HERC2: variants seen among roughly 807,000 people sequenced by gnomAD.
HERC2 encodes E3 ubiquitin-protein ligase HERC2.
A neutral mutation model predicts 537.7 loss-of-function variants in HERC2; 102 were observed. The observed-to-expected ratio is 0.19, with a 90% CI of 0.16 to 0.22. The LOEUF is 0.22. Ranked by LOEUF, HERC2 falls within the 10% of genes least tolerant of loss-of-function variation. The probability of loss-of-function intolerance (pLI) is 1.00; values close to 1 mark genes in which losing one functional copy is unlikely to be tolerated. For synonymous variants in HERC2, 2,224 were observed against 2,466.2 expected, an observed-to-expected ratio of 0.90 and a Z score of 2.91; for missense variants, 4,236 against 6,198.2, an observed-to-expected ratio of 0.68 and a Z score of 10.63.
At chr15:28,126,450 A>G (rs1024885314) in intron 83 of HERC2, among the ~76,000 whole-genome samples, 5 of 152,238 alleles carry the variant, frequency 3.3e-5, no homozygotes, top group Non-Finnish European at 5.9e-5. Flanking sequence ...ATAGCAGCAC[A>G]ATTTGCAATT....
intron 88 of HERC2, among the ~76,000 whole-genome samples, chr15:28,115,824 G>A (rs775109936): frequency 1.3e-5 from 2 of 152,240 alleles, no homozygotes; most frequent in Non-Finnish European, 2.9e-5. Flanking sequence ...GCAAAGAGCT[G>A]GAACTTCCCC....
chr15:28,134,763 C>T (rs764577535), intron 79 of HERC2, among the ~76,000 whole-genome samples: 12 of 145,816 alleles, frequency 8.2e-5, no homozygotes, highest in South Asian at 2.2e-4. Flanking sequence ...AGTGCAGTGG[C>T]GCAATCTCGG....
At chr15:28,253,429 T>C (rs1379292598) in intron 20 of HERC2, among the ~76,000 whole-genome samples, 2 of 152,258 alleles carry the variant, frequency 1.3e-5, no homozygotes, top group African/African-American at 4.8e-5. Context: ...TCCACCTGCT[T>C]ATTAGTAAGA....
At chr15:28,309,861 T>A (rs2076892470) in intron 2 of HERC2, among the ~76,000 whole-genome samples, 1 of 152,226 alleles carries the variant, frequency 6.6e-6, no homozygotes, top group Non-Finnish European at 1.5e-5. Context: ...CATCCTTCAG[T>A]TTTTGTAGAA....
chr15:28,158,635 C>G (rs1032033502), intron 69 of HERC2, among the ~76,000 whole-genome samples: 3 of 152,164 alleles, frequency 2.0e-5, no homozygotes, highest in African/African-American at 7.2e-5. Context: ...TGTGTCTCTG[C>G]ACATGAGATG....
chr15:28,309,432 C>T (rs1208194640), intron 2 of HERC2, among the ~76,000 whole-genome samples: 1 of 152,192 alleles, frequency 6.6e-6, no homozygotes, highest in East Asian at 1.9e-4. Flanking sequence ...TTTTTGGTCT[C>T]CTTTTATAGT....
rs374548424 is a variant in HERC2 at position 28,214,743 on chromosome 15, C to T, written c.6270G>A (p.Ala2090=). ...TCTCCACGAGGCATTTCATGTCCCTCGCCCTTTCGGTCTTGTCCCATGATG... is the reference window on the plus strand; with the variant it reads ...TCTCCACGAGGCATTTCATGTCCCTTGCCCTTTCGGTCTTGTCCCATGATG... ...VLPSWDKTER[A]RDMKCLVEKL... The change falls in exon 40 of 93, where the codon GCG becomes GCA. Residue 2090 remains alanine, a synonymous_variant. Coordinates refer to ENST00000261609, the MANE Select transcript of HERC2 (RefSeq NM_004667.6). The T allele has an allele frequency of 4.8e-5, 77 of 1,611,828 alleles. No individual in the cohort carries two copies. The highest frequency in any genetic ancestry group is 3.3e-4 in the South Asian group (30 of 90,992).
chr15:28,237,477 C>G (rs1223196947), intron 25 of HERC2, among the ~76,000 whole-genome samples: 1 of 152,208 alleles, frequency 6.6e-6, no homozygotes, highest in Non-Finnish European at 1.5e-5. Context: ...GGCAACAAAA[C>G]TATGACAAGT....
At position 28,113,660 on chromosome 15, in the gene HERC2, C is replaced by T. The variant is rs766741073; in HGVS notation, c.13932G>A (p.Glu4644=). 6.2e-7 allele frequency: 1 copy of T among 1,614,078 alleles called. No homozygotes were observed. ...TTCCTTCCCGAACAGCAGCCACCTG[C>T]TCATCAAATTCATGGAGTCTGGAAG... The part of the protein sequence containing the change: ...AINYRLHEFD[E]QVAAVREGMA... The change falls in exon 91 of 93, where the codon GAG becomes GAA. Residue 4644 remains glutamate (E), a synonymous_variant. Transcript: ENST00000261609. This position sits in a 1 kb window ranked among gnomAD's most constrained non-coding sequence, Gnocchi z 7.0.
At chr15:28,202,942 A>G (rs1898048746) in intron 45 of HERC2, 1 of 34,834 alleles carries the variant, frequency 2.9e-5, no homozygotes, top group East Asian at 5.4e-4. Flanking sequence ...AGGGGCTTGA[A>G]GGAGCAGGGA....
chr15:28,263,145 C>A lies in HERC2; in HGVS notation c.1895G>T (p.Gly632Val). Residue 632 changes from glycine (G) to valine (V), a missense_variant, in exon 15 of 93, where the codon GGT becomes GTT. Physicochemically the swap from Gly to Val is moderately radical, Grantham distance 109. This residue lies in a region of HERC2 where 754 missense variants were observed against 1,085.0 expected (regional missense o/e 0.69). Coordinates refer to ENST00000261609, the MANE Select transcript of HERC2 (RefSeq NM_004667.6). Reference sequence around the variant, plus strand: ...ACCTCTGCCCAATTTCCCATAGTCACCATCTCCCCAAGACCACACTTGCCC... The same window carrying A: ...ACCTCTGCCCAATTTCCCATAGTCAACATCTCCCCAAGACCACACTTGCCC... ...ENGQVWSWGD[G>V]DYGKLGRGGS... 6.2e-7 allele frequency: 1 copy of A among 1,613,048 alleles called. No homozygotes were observed. The highest frequency in any genetic ancestry group is 8.5e-7 in the Non-Finnish European group (1 of 1,179,036).
Position 28,254,356 on chromosome 15 carries a change from T to C in HERC2, c.3034A>G (p.Ile1012Val). The change falls in exon 20 of 93, where the codon ATA becomes GTA. Residue 1012 changes from isoleucine to valine, a missense_variant. Around this residue, in one of 27 missense-constraint regions of HERC2, gnomAD observed 754 missense variants for 1,085.0 expected, o/e 0.69. Coordinates refer to ENST00000261609, the MANE Select transcript of HERC2 (RefSeq NM_004667.6). Reference sequence around the variant, plus strand: ...ACGATTTACCTAAGAAGCTGTTGTATGAGCTGAACCAGAGGCAAACACTGT... The same window carrying C: ...ACGATTTACCTAAGAAGCTGTTGTACGAGCTGAACCAGAGGCAAACACTGT... The part of the protein sequence containing the change: ...GKQCLPLVQL[I>V]QQLLRNIASQ... 1.9e-6 allele frequency: 3 copies of C among 1,596,834 alleles called. No individual in the cohort carries two copies. The highest frequency in any genetic ancestry group is 1.1e-5 in the South Asian group (1 of 87,960).
At chr15:28,119,795 T>C (rs1888682518) in intron 86 of HERC2, among the ~76,000 whole-genome samples, 1 of 152,148 alleles carries the variant, frequency 6.6e-6, no homozygotes, top group African/African-American at 2.4e-5. Context: ...GTTTTTTCAA[T>C]TGCATACTGA....
Position 28,186,702 on chromosome 15 carries a change from G to A in HERC2, c.8700C>T (p.Ile2900=), listed in dbSNP as rs139292388. 7.8e-5 allele frequency: 126 copies of A among 1,613,918 alleles called. No homozygotes were observed. The African/African-American group carries it at 1.4e-3, about 18-fold the overall frequency. The change falls in exon 56 of 93, where the codon ATC becomes ATT. Residue 2900 remains isoleucine (I), a synonymous_variant. Transcript: ENST00000261609. ...GGATGAGACCATGGATTTTACAATC[G>A]ATTCCTGAGCTCCTGCACTGCTTTA... ...IAIKQCRSSG[I]DCKIHGLILL...
At chr15:28,320,766 T>C (rs1447991070) in intron 2 of HERC2, among the ~76,000 whole-genome samples, 8 of 151,826 alleles carry the variant, frequency 5.3e-5, no homozygotes, top group Non-Finnish European at 5.9e-5. Context: ...TATTTAATAA[T>C]GTCCTGACAA....
At chr15:28,295,687 C>T (rs1214133219) in intron 3 of HERC2, among the ~76,000 whole-genome samples, 1 of 152,122 alleles carries the variant, frequency 6.6e-6, no homozygotes, top group Admixed American at 6.6e-5. Context: ...TGTGAGCCAC[C>T]ACGCCCGGCC....
intron 57 of HERC2, among the ~76,000 whole-genome samples, chr15:28,181,138 T>C (rs1326797837): frequency 1.3e-5 from 2 of 152,230 alleles, no homozygotes; most frequent in Non-Finnish European, 2.9e-5. Flanking sequence ...GGATGTAATT[T>C]AAAATTCCTA....
rs761892834 is a variant in HERC2, at chr15:28,213,798, C to T, written c.6730G>A (p.Val2244Met). 3.1e-6 allele frequency: 5 copies of T among 1,613,872 alleles called. No individual in the cohort carries two copies. The highest frequency in any genetic ancestry group is 1.7e-5 in the Admixed American group (1 of 60,000). ...CACGTCCGCATGTCAGAGAACTGCA[C>T]GGTGATTTTGCCCTTTGGGGTGATG... Reference protein sequence around the residue: ...TRITPKGKITVQFSDMRTCRV... With the variant: ...TRITPKGKITMQFSDMRTCRV... The change falls in exon 42 of 93, where the codon GTG becomes ATG. Residue 2244 changes from valine (V) to methionine (M), a missense_variant. Val to Met is a conservative substitution (Grantham distance 21). Around this residue, in one of 27 missense-constraint regions of HERC2, gnomAD observed 67 missense variants for 140.1 expected, o/e 0.48. Coordinates refer to ENST00000261609, the MANE Select transcript of HERC2 (RefSeq NM_004667.6).
chr15:28,195,859 T>C (rs1897303311), intron 52 of HERC2, among the ~76,000 whole-genome samples: 1 of 152,218 alleles, frequency 6.6e-6, no homozygotes, highest in African/African-American at 2.4e-5. Context: ...TTTGCCACAA[T>C]GACAAATACA....
Sources: allele counts gnomAD v4.1 joint callset (sites outside exome capture counted in the v4.1 genomes callset), GRCh38; gene constraint gnomAD v4.1.1; regional missense constraint gnomAD v4.1.1; non-coding constraint Gnocchi (gnomAD v3.1); transcripts MANE v1.5; gene names NCBI Gene and HGNC (gene_info 2026-07-23, HGNC 2026-07-21).